NCKAP5: variants seen among roughly 807,000 people sequenced by gnomAD.
The protein encoded by NCKAP5 is nck-associated protein 5.
In NCKAP5, 92 loss-of-function variants were observed where a neutral mutation model predicts 167.0. The observed-to-expected ratio is 0.55, with a 90% CI of 0.47 to 0.66. The LOEUF (loss-of-function observed/expected upper bound fraction) is 0.66. Ranked by LOEUF, NCKAP5 falls within the 30% of genes least tolerant of loss-of-function variation. The probability of loss-of-function intolerance (pLI) is 0.00; values close to 1 mark genes in which losing one functional copy is unlikely to be tolerated. For missense variants in NCKAP5, 2,378 were observed against 2,315.0 expected (o/e 1.03, Z -0.56); for synonymous variants, 891 against 877.4 (o/e 1.02, Z -0.27).
chr2:133,400,474 T>C (rs1425259557), intron 3 of NCKAP5, among the ~76,000 whole-genome samples: 3 of 152,046 alleles, frequency 2.0e-5, no homozygotes, highest in Non-Finnish European at 4.4e-5. Flanking sequence ...AGAACAGATC[T>C]GGAGAGAAGA....
the NCKAP5 span, among the ~76,000 whole-genome samples, chr2:133,577,357 G>A: frequency 6.6e-6 from 1 of 152,138 alleles, no homozygotes; most frequent in African/African-American, 2.4e-5. Context: ...GTCTGGCCTG[G>A]AAGACAGGGA....
intron 3 of NCKAP5, among the ~76,000 whole-genome samples, chr2:133,501,113 A>T (rs1440195588): frequency 6.6e-6 from 1 of 152,240 alleles, no homozygotes; most frequent in Non-Finnish European, 1.5e-5. Context: ...ACAAGAAGGT[A>T]CAGCTGAAAC....
chr2:133,068,458 A>C (rs2080275199), intron 6 of NCKAP5, among the ~76,000 whole-genome samples: 1 of 152,232 alleles, frequency 6.6e-6, no homozygotes, highest in African/African-American at 2.4e-5. Flanking sequence ...CAGAGACATG[A>C]ACAAAGGAAG....
At chr2:133,178,935 G>T (rs1187918396) in intron 5 of NCKAP5, among the ~76,000 whole-genome samples, 1 of 151,854 alleles carries the variant, frequency 6.6e-6, no homozygotes, top group East Asian at 1.9e-4. Flanking sequence ...AGAGGCTAAG[G>T]CAGGTGGATC....
At chr2:132,995,944 A>G (rs1462499540) in intron 6 of NCKAP5, among the ~76,000 whole-genome samples, 1 of 152,210 alleles carries the variant, frequency 6.6e-6, no homozygotes, top group East Asian at 1.9e-4. Context: ...ACTGCACTCC[A>G]GCCTGGGCAA....
intron 9 of NCKAP5, among the ~76,000 whole-genome samples, chr2:132,874,821 A>G (rs1283666989): frequency 5.3e-5 from 8 of 152,164 alleles, no homozygotes; most frequent in African/African-American, 1.7e-4. Context: ...CGGATATGCA[A>G]TTTTAGCAAC....
intron 4 of NCKAP5, among the ~76,000 whole-genome samples, chr2:133,299,770 T>C (rs16823395): frequency 0.037 from 5,693 of 152,124 alleles, 347 homozygotes; most frequent in African/African-American, 0.13. Flanking sequence ...AATCAATCAA[T>C]GACTTTAGGG....
intron 8 of NCKAP5, among the ~76,000 whole-genome samples, chr2:132,889,821 G>C (rs1246809990): frequency 6.6e-6 from 1 of 152,016 alleles, no homozygotes; most frequent in Non-Finnish European, 1.5e-5. Flanking sequence ...AGAAAACCTT[G>C]GGTTCAACAA....
At chr2:133,385,744 A>G (rs1686906177) in intron 3 of NCKAP5, among the ~76,000 whole-genome samples, 1 of 152,148 alleles carries the variant, frequency 6.6e-6, no homozygotes, top group Non-Finnish European at 1.5e-5. Flanking sequence ...TGGTCTATTC[A>G]GAGATTCAAC....
chr2:133,447,666 T>A, intron 3 of NCKAP5, among the ~76,000 whole-genome samples: 1 of 151,866 alleles, frequency 6.6e-6, no homozygotes, highest in East Asian at 1.9e-4. Flanking sequence ...TTTTCTTTTC[T>A]TTTTGTAGAG....
chr2:133,258,975 T>C (rs893643777), intron 4 of NCKAP5, among the ~76,000 whole-genome samples: 2 of 152,178 alleles, frequency 1.3e-5, no homozygotes, highest in Non-Finnish European at 2.9e-5. Flanking sequence ...TGGGAAATGC[T>C]GGCCCAAAAG....
chr2:133,101,120 T>C (rs1361048548), intron 6 of NCKAP5, among the ~76,000 whole-genome samples: 1 of 150,732 alleles, frequency 6.6e-6, no homozygotes, highest in South Asian at 2.1e-4. Context: ...TTTCTACATA[T>C]GGCTAGCCAG....
the NCKAP5 span, among the ~76,000 whole-genome samples, chr2:133,606,282 G>T: frequency 6.6e-6 from 1 of 152,086 alleles, no homozygotes; most frequent in South Asian, 2.1e-4. Context: ...ATAAGAATAA[G>T]CATGTTAAAC....
intron 1 of NCKAP5, among the ~76,000 whole-genome samples, chr2:133,559,501 T>C (rs558989497): frequency 1.3e-5 from 2 of 152,288 alleles, no homozygotes; most frequent in East Asian, 3.9e-4. Context: ...TAAAATTGTT[T>C]TTTTAGAGAT....
chr2:133,119,365 G>A (rs774290927), intron 6 of NCKAP5, among the ~76,000 whole-genome samples: 1 of 152,100 alleles, frequency 6.6e-6, no homozygotes, highest in Non-Finnish European at 1.5e-5. Flanking sequence ...TCTCTTAGGT[G>A]CAATCTCAGC....
the NCKAP5 span, among the ~76,000 whole-genome samples, chr2:133,607,571 G>C: frequency 6.6e-6 from 1 of 152,170 alleles, no homozygotes; most frequent in Non-Finnish European, 1.5e-5. Flanking sequence ...CTGAGGAAGA[G>C]AGACTCTTTG....
chr2:133,289,823 T>C (rs530603685), intron 4 of NCKAP5, among the ~76,000 whole-genome samples: 82 of 152,152 alleles, frequency 5.4e-4, no homozygotes, highest in African/African-American at 1.9e-3. Context: ...GAAGCATGGG[T>C]GGGGAGGCCT....
intron 8 of NCKAP5, among the ~76,000 whole-genome samples, chr2:132,932,882 T>C (rs1303215294): frequency 1.3e-5 from 2 of 151,330 alleles, no homozygotes; most frequent in South Asian, 4.2e-4. Flanking sequence ...CGTAGTTCAA[T>C]ATCAACACTT....
At chr2:133,371,774 T>A (rs1452539725) in intron 3 of NCKAP5, among the ~76,000 whole-genome samples, 1 of 152,212 alleles carries the variant, frequency 6.6e-6, no homozygotes. Context: ...CCTGGGCTGC[T>A]AATGTGCTGC....
Sources: allele counts gnomAD v4.1 joint callset (sites outside exome capture counted in the v4.1 genomes callset), GRCh38; gene constraint gnomAD v4.1.1; transcripts MANE v1.5; gene names NCBI Gene and HGNC (gene_info 2026-07-23, HGNC 2026-07-21).